COL6A6: variants seen among roughly 807,000 people sequenced by gnomAD.
The protein encoded by COL6A6 is collagen alpha-6(VI) chain.
COL6A6 carries 183 observed loss-of-function variants against 208.6 expected under a neutral mutation model. That is an observed-to-expected ratio of 0.88 (90% CI 0.78 to 0.99). The LOEUF (loss-of-function observed/expected upper bound fraction) is 0.99, where lower values mean the gene tolerates loss of function less well. COL6A6 is among the 50% of genes least tolerant of loss of function. The probability of loss-of-function intolerance (pLI) is 0.00; values close to 1 mark genes in which losing one functional copy is unlikely to be tolerated. For synonymous variants in COL6A6, 973 were observed against 1,011.8 expected, an observed-to-expected ratio of 0.96 and a Z score of 0.73; for missense variants, 2,816 against 2,815.2, an observed-to-expected ratio of 1.00 and a Z score of -0.01.
intron 23 of COL6A6, among the ~76,000 whole-genome samples, chr3:130,614,075 G>C (rs1276078828): frequency 1.3e-5 from 2 of 152,036 alleles, no homozygotes; most frequent in African/African-American, 2.4e-5. Flanking sequence ...GGTGATAGAG[G>C]GCATCCCTGT....
chr3:130,659,198 A>T (rs926668436), intron 34 of COL6A6, among the ~76,000 whole-genome samples: 2 of 152,238 alleles, frequency 1.3e-5, no homozygotes, highest in African/African-American at 4.8e-5. Context: ...TCAAAGTGGA[A>T]AATAGCAGAA....
At chr3:130,653,760 T>G (rs1316648395) in intron 33 of COL6A6, among the ~76,000 whole-genome samples, 2 of 152,318 alleles carry the variant, frequency 1.3e-5, no homozygotes, top group East Asian at 3.9e-4. Context: ...ATGAATGAAC[T>G]CTAAAACTAC....
intron 18 of COL6A6, among the ~76,000 whole-genome samples, chr3:130,597,105 A>G (rs2108113390): frequency 6.6e-6 from 1 of 152,342 alleles, no homozygotes; most frequent in Non-Finnish European, 1.5e-5. Flanking sequence ...TTGAACTACA[A>G]TAAGGGGCTT....
At chr3:130,612,556 C>G (rs946946902) in intron 23 of COL6A6, among the ~76,000 whole-genome samples, 1 of 152,154 alleles carries the variant, frequency 6.6e-6, no homozygotes, top group African/African-American at 2.4e-5. Context: ...CTGCGTTTAA[C>G]ACTACAAAAA....
chr3:130,563,539 C>A lies in COL6A6; in HGVS notation c.536C>A (p.Thr179Lys), dbSNP rs114511272. 25,420 of 1,613,944 alleles carry A rather than the reference C, an allele frequency of 0.016. 219 individuals carry two copies. Among genetic ancestry groups the A allele is most frequent in the Middle Eastern group, 0.033 (203 of 6,062 alleles). The change falls in exon 3 of 37, where the codon ACG becomes AAG. Residue 179 changes from threonine (T) to lysine (K), a missense_variant. Coordinates refer to ENST00000358511, the MANE Select transcript of COL6A6 (RefSeq NM_001102608.3). ...GAGGAAAACCTGAAGGCCATGGCCACGTCTCAGTTTCATTTCAACCTTCGG... is the reference window on the plus strand; with the variant it reads ...GAGGAAAACCTGAAGGCCATGGCCAAGTCTCAGTTTCATTTCAACCTTCGG... ...ASEENLKAMA[T>K]SQFHFNLRTV...
At chr3:130,547,954 T>C (rs1047444479) in intron 1 of COL6A6, among the ~76,000 whole-genome samples, 2 of 152,166 alleles carry the variant, frequency 1.3e-5, no homozygotes, top group African/African-American at 4.8e-5. Context: ...CCTGCCATCA[T>C]GTCTGACTAA....
At position 130,675,402 on chromosome 3, in the gene COL6A6, A is replaced by T; in HGVS notation, c.*5A>T. On this transcript the variant is annotated 3_prime_UTR_variant, in exon 37 of 37. Coordinates refer to ENST00000358511, the MANE Select transcript of COL6A6 (RefSeq NM_001102608.3). Reference sequence around the variant, plus strand: ...GCTCCCAAACAACATGATTAAAAAAATGCTTGAACAACTTAGCCTTAGGAA... The same window carrying T: ...GCTCCCAAACAACATGATTAAAAAATTGCTTGAACAACTTAGCCTTAGGAA... 6.4e-7 allele frequency: 1 copy of T among 1,564,450 alleles called. No individual in the cohort carries two copies. Among genetic ancestry groups the T allele is most frequent in the Non-Finnish European group, 8.6e-7 (1 of 1,156,260 alleles).
chr3:130,546,722 C>T (rs192996914), intron 1 of COL6A6, among the ~76,000 whole-genome samples: 28 of 151,982 alleles, frequency 1.8e-4, no homozygotes, highest in Non-Finnish European at 3.2e-4. Flanking sequence ...CACAGAGCAC[C>T]GACTGGTGCG....
At chr3:130,524,010 C>A (rs140657958) in intron 1 of COL6A6, among the ~76,000 whole-genome samples, 2 of 152,098 alleles carry the variant, frequency 1.3e-5, no homozygotes, top group Non-Finnish European at 2.9e-5. Flanking sequence ...TTTCTTTCCC[C>A]CTTCTCCACG....
chr3:130,665,233 A>G (rs1174818338), intron 36 of COL6A6, 137 bp downstream of exon 36: 1 of 580,838 alleles, frequency 1.7e-6, no homozygotes, highest in Non-Finnish European at 3.1e-6. Context: ...ATATTAAAAT[A>G]TAATTCGAAG....
chr3:130,666,436 G>GA (rs1485481760), intron 36 of COL6A6, among the ~76,000 whole-genome samples: 1 of 152,164 alleles, frequency 6.6e-6, no homozygotes, highest in Non-Finnish European at 1.5e-5. Context: ...TTCCTAAAGG[G>GA]AAGTAGGATA....
intron 5 of COL6A6, 66 bp downstream of exon 5, chr3:130,567,328 C>T (rs1453624154): frequency 6.5e-6 from 8 of 1,232,614 alleles, no homozygotes; most frequent in South Asian, 1.5e-5. Flanking sequence ...CAATAATTGA[C>T]ATTGCTGGTT....
At chr3:130,625,342 T>A (rs1200037160) in intron 24 of COL6A6, among the ~76,000 whole-genome samples, 1 of 152,208 alleles carries the variant, frequency 6.6e-6, no homozygotes, top group East Asian at 1.9e-4. Context: ...AAGTGTAGGT[T>A]GCACATACTT....
At chr3:130,540,545 G>C (rs1186790894) in intron 1 of COL6A6, among the ~76,000 whole-genome samples, 1 of 152,036 alleles carries the variant, frequency 6.6e-6, no homozygotes, top group Non-Finnish European at 1.5e-5. Flanking sequence ...GGATGTGCAG[G>C]TTTGTTACAA....
chr3:130,567,824 C>G (rs2063065639), intron 5 of COL6A6, among the ~76,000 whole-genome samples: 1 of 152,176 alleles, frequency 6.6e-6, no homozygotes, highest in South Asian at 2.1e-4. Flanking sequence ...CCCAAGATGT[C>G]AATGGTGCTG....
intron 28 of COL6A6, among the ~76,000 whole-genome samples, chr3:130,639,008 A>G (rs2065233134): frequency 6.6e-6 from 1 of 152,154 alleles, no homozygotes; most frequent in South Asian, 2.1e-4. Flanking sequence ...AATTATTTTG[A>G]TGATTTCTTG....
chr3:130,659,061 T>C (rs2065875574), intron 34 of COL6A6, among the ~76,000 whole-genome samples: 1 of 152,208 alleles, frequency 6.6e-6, no homozygotes, highest in South Asian at 2.1e-4. Flanking sequence ...GCCTATTTCA[T>C]TGCCAAGTTT....
intron 12 of COL6A6, among the ~76,000 whole-genome samples, chr3:130,590,606 C>G (rs542744451): frequency 1.3e-5 from 2 of 151,688 alleles, no homozygotes; most frequent in African/African-American, 4.8e-5. Context: ...CTCGCTCTGC[C>G]GCCCAGGCTG....
chr3:130,523,649 T>G (rs914586879), intron 1 of COL6A6, among the ~76,000 whole-genome samples: 14 of 152,196 alleles, frequency 9.2e-5, no homozygotes, highest in African/African-American at 3.4e-4. Flanking sequence ...AGAACTAGGC[T>G]TGCCTTGCCT....
Sources: allele counts gnomAD v4.1 joint callset (sites outside exome capture counted in the v4.1 genomes callset), GRCh38; gene constraint gnomAD v4.1.1; transcripts MANE v1.5; gene names NCBI Gene and HGNC (gene_info 2026-07-23, HGNC 2026-07-21).